The following FSTL4 variants were observed in gnomAD, a reference collection of about 807,000 sequenced individuals.
The protein encoded by FSTL4 is follistatin-related protein 4.
FSTL4 carries 28 observed loss-of-function variants against 78.2 expected under a neutral mutation model. That is an observed-to-expected ratio of 0.36 (90% CI 0.27 to 0.49). The LOEUF (loss-of-function observed/expected upper bound fraction) is 0.49, where lower values mean the gene tolerates loss of function less well. Ranked by LOEUF, FSTL4 falls within the 20% of genes least tolerant of loss-of-function variation. FSTL4 has a pLI of 0.98. For missense variants in FSTL4, 922 were observed against 1,084.9 expected (o/e 0.85, Z 2.11); for synonymous variants, 422 against 440.5 (o/e 0.96, Z 0.53).
chr5:133,536,601 T>C (rs1759354591), intron 3 of FSTL4, among the ~76,000 whole-genome samples: 1 of 152,148 alleles, frequency 6.6e-6, no homozygotes, highest in Admixed American at 6.5e-5. Flanking sequence ...AGTTATAAAG[T>C]ATATGTGGCA....
chr5:133,625,421 T>C, the FSTL4 span, among the ~76,000 whole-genome samples: 1 of 151,702 alleles, frequency 6.6e-6, no homozygotes, highest in Admixed American at 6.6e-5. Flanking sequence ...AATACTACCT[T>C]ATTCTTTGTT....
At chr5:133,661,403 G>A in the FSTL4 span, among the ~76,000 whole-genome samples, 5 of 152,162 alleles carry the variant, frequency 3.3e-5, no homozygotes, top group Non-Finnish European at 5.9e-5. Context: ...ACTCGGTGGC[G>A]GTGAGGATTA....
chr5:133,196,780 G>C lies in FSTL4; in HGVS notation c.*2315C>G, dbSNP rs1426352464. On this transcript the variant is annotated 3_prime_UTR_variant, in exon 16 of 16. Coordinates refer to ENST00000265342, the MANE Select transcript of FSTL4 (RefSeq NM_015082.2). ...GACTCCCCACCCAACCAACTCTATT[G>C]GTTTTCCTGCCAAAAGGCATTTACC... is the stretch of plus-strand genomic sequence containing the variant. 2.0e-5 allele frequency: 3 copies of C among 148,548 alleles called. No homozygotes were observed. Among genetic ancestry groups the C allele is most frequent in the Non-Finnish European group, 4.5e-5 (3 of 66,944 alleles). The allele number at this position is 148,548 out of a possible 1,614,324, so 9.2% of individuals were successfully genotyped here. A position where few individuals can be genotyped will look rare whatever the true frequency, so the allele number is the denominator to read the frequency against.
the FSTL4 span, among the ~76,000 whole-genome samples, chr5:133,711,753 T>C: frequency 3.3e-5 from 5 of 152,192 alleles, no homozygotes; most frequent in Admixed American, 2.6e-4. Context: ...TCCAAAATAC[T>C]TTCGTGTGAT....
At chr5:133,335,826 G>A (rs1371306967) in intron 4 of FSTL4, among the ~76,000 whole-genome samples, 1 of 152,034 alleles carries the variant, frequency 6.6e-6, no homozygotes, top group Non-Finnish European at 1.5e-5. Context: ...CCTTGGGACA[G>A]GAAGAGTTTT....
At chr5:133,614,583 T>A (rs1761166977), upstream of FSTL4, among the ~76,000 whole-genome samples, 1 of 152,214 alleles carries the variant, frequency 6.6e-6, no homozygotes, top group Non-Finnish European at 1.5e-5. Context: ...CCTCTTTGAA[T>A]TGCTCTGTGC....
At chr5:133,760,091 G>C in the FSTL4 span, among the ~76,000 whole-genome samples, 2 of 152,222 alleles carry the variant, frequency 1.3e-5, no homozygotes, top group Non-Finnish European at 2.9e-5. Context: ...CCTGGAGATT[G>C]TACAGGGCTT....
chr5:133,381,623 G>A (rs1042524095), intron 4 of FSTL4, among the ~76,000 whole-genome samples: 40 of 152,164 alleles, frequency 2.6e-4, no homozygotes, highest in African/African-American at 9.2e-4. Context: ...CCTAAAACAC[G>A]GCTCTTGTCT....
rs72803162 is a variant in FSTL4 at position 133,393,614 on chromosome 5, A to G, written c.409+7124T>C. ...TGGAAGGGCAACTGGAGGGACAGGA[A>G]AGGGAGTCTGGAGAGAAAGTGGAGG... On this transcript the variant is annotated intron_variant, in intron 4 of 15. Coordinates refer to ENST00000265342, the MANE Select transcript of FSTL4 (RefSeq NM_015082.2). Among the ~76,000 whole-genome samples the G allele has an allele frequency of 6.0e-3, 910 of 152,372 alleles. 3 individuals carry two copies. Among genetic ancestry groups the G allele is most frequent in the Admixed American group, 9.7e-3 (149 of 15,310 alleles).
At chr5:133,251,531 T>G (rs1752238857) in intron 6 of FSTL4, among the ~76,000 whole-genome samples, 1 of 152,116 alleles carries the variant, frequency 6.6e-6, no homozygotes, top group African/African-American at 2.4e-5. Flanking sequence ...GATCACTGCA[T>G]CCGGACAATG....
the FSTL4 span, among the ~76,000 whole-genome samples, chr5:133,797,441 A>C: frequency 2.6e-5 from 4 of 152,216 alleles, no homozygotes; most frequent in African/African-American, 9.7e-5. Context: ...GCATGGCCTT[A>C]GATGTTGTTT....
In FSTL4 at chr5:133,572,550, A is replaced by G. The variant is rs73788153; in HGVS notation, c.127-5331T>C. Among the ~76,000 whole-genome samples, 791 of 152,324 alleles carry G rather than the reference A, an allele frequency of 5.2e-3. 7 individuals are homozygous for G. Among genetic ancestry groups the G allele is most frequent in the African/African-American group, 0.018 (760 of 41,576 alleles). ...GAGCAATACTTTATAGCGAACTTTT[A>G]AGGCAAAAACGCAGAAAATTATTCA... is the stretch of plus-strand genomic sequence containing the variant. On this transcript the variant is annotated intron_variant, in intron 2 of 15. Coordinates refer to ENST00000265342, the MANE Select transcript of FSTL4 (RefSeq NM_015082.2).
At chr5:133,531,494 C>A (rs1379676137) in intron 3 of FSTL4, among the ~76,000 whole-genome samples, 1 of 152,168 alleles carries the variant, frequency 6.6e-6, no homozygotes, top group Non-Finnish European at 1.5e-5. Flanking sequence ...GAGTGTGGAT[C>A]CCTCCACACT....
At chr5:133,311,686 G>C (rs560323093) in intron 6 of FSTL4, among the ~76,000 whole-genome samples, 14 of 152,332 alleles carry the variant, frequency 9.2e-5, no homozygotes, top group African/African-American at 2.4e-4. Flanking sequence ...GTTGAGGGAG[G>C]ATACCAGGCT....
At chr5:133,566,140 A>G (rs1445714456) in intron 3 of FSTL4, among the ~76,000 whole-genome samples, 1 of 152,238 alleles carries the variant, frequency 6.6e-6, no homozygotes, top group Non-Finnish European at 1.5e-5. Context: ...TCTTAGAGTC[A>G]GATTATCCAG....
intron 14 of FSTL4, among the ~76,000 whole-genome samples, chr5:133,205,386 C>CGTGTGTGTGT (rs3087070): frequency 6.6e-6 from 1 of 150,732 alleles, no homozygotes; most frequent in Non-Finnish European, 1.5e-5. Context: ...TTTTTCTTTG[C>CGTGTGTGTGT]GTGTGTGTGT....
chr5:133,620,355 C>A, the FSTL4 span, among the ~76,000 whole-genome samples: 1 of 152,144 alleles, frequency 6.6e-6, no homozygotes, highest in Admixed American at 6.5e-5. Flanking sequence ...ACATGAAAAA[C>A]CAAACTGAAT....
intron 6 of FSTL4, among the ~76,000 whole-genome samples, chr5:133,297,881 C>T (rs963266882): frequency 1.9e-4 from 29 of 152,160 alleles, no homozygotes; most frequent in South Asian, 2.1e-4. Context: ...GGGTGTGCAG[C>T]GTCGGGACCA....
chr5:133,255,584 G>GCACA (rs1752362690), intron 6 of FSTL4, among the ~76,000 whole-genome samples: 3 of 152,240 alleles, frequency 2.0e-5, no homozygotes, highest in African/African-American at 4.8e-5. Flanking sequence ...CTGGTGCCTA[G>GCACA]CACAAGGCAT....
Sources: gnomAD v4.1 joint callset for allele counts (sites outside exome capture counted in the v4.1 genomes callset) on GRCh38, gnomAD v4.1.1 for gene constraint, MANE v1.5 for transcripts, NCBI Gene and HGNC (gene_info 2026-07-23, HGNC 2026-07-21) for gene names.